The following CAND2 variants were observed in gnomAD, a reference collection of about 807,000 sequenced individuals.
CAND2 encodes cullin associated and neddylation dissociated 2 (putative).
A neutral mutation model predicts 98.9 loss-of-function variants in CAND2; 62 were observed. The ratio of observed to expected loss-of-function variants is 0.63; its 90% CI spans 0.51 to 0.77. The LOEUF is 0.77. Among genes scored for constraint, CAND2 ranks in the 30% least tolerant of loss-of-function variants. The probability of loss-of-function intolerance (pLI) is 0.00; values close to 1 mark genes in which losing one functional copy is unlikely to be tolerated. For missense variants in CAND2, 1,501 were observed against 1,655.2 expected (o/e 0.91, Z 1.62); for synonymous variants, 770 against 731.9 (o/e 1.05, Z -0.84).
In CAND2 at chr3:12,815,593, G is replaced by T. The variant is rs2061892263; in HGVS notation, c.1299+160G>T. Among the ~76,000 whole-genome samples the T allele has an allele frequency of 6.6e-6, 1 of 152,220 alleles. No homozygotes were observed. Among genetic ancestry groups the T allele is most frequent in the Non-Finnish European group, 1.5e-5 (1 of 68,038 alleles). On this transcript the variant is annotated intron_variant, in intron 8 of 14. Transcript: ENST00000456430. This position sits in a 1 kb window ranked among gnomAD's most constrained non-coding sequence, Gnocchi z 5.7. The stretch of plus-strand genomic sequence containing the variant: ...GGGGCGGGAGCCAGCCAGGCTTCTG[G>T]AGTGTAGTAGTGACAGCCAGCCTGC...
chr3:12,830,127 T>G (rs577836908), intron 13 of CAND2, among the ~76,000 whole-genome samples: 1 of 152,172 alleles, frequency 6.6e-6, no homozygotes, highest in African/African-American at 2.4e-5. Context: ...CGCTCCTTCC[T>G]GCACTTCCTG....
Position 12,815,362 on chromosome 3 carries a change from C to T in CAND2, c.1228C>T (p.Pro410Ser). Reference protein sequence around the residue: ...YIVLLRQTQPPKGWLEAMEEP... With the variant: ...YIVLLRQTQPSKGWLEAMEEP... ...CGTGCTGCTGCGGCAAACACAGCCCCCGAAGGGATGGCTGGAGGCCATGGA... is the reference window on the plus strand; with the variant it reads ...CGTGCTGCTGCGGCAAACACAGCCCTCGAAGGGATGGCTGGAGGCCATGGA... Residue 410 changes from proline (P) to serine (S), a missense_variant, in exon 8 of 15, where the codon CCG becomes TCG. Physicochemically the swap from Pro to Ser is moderately conservative, Grantham distance 74. Coordinates refer to ENST00000456430, the MANE Select transcript of CAND2 (RefSeq NM_001162499.2). The surrounding 1 kb of genome is among the most constrained non-coding windows in gnomAD (Gnocchi z 5.7). 1.9e-6 allele frequency: 3 copies of T among 1,613,984 alleles called. No homozygotes were observed. The highest frequency in any genetic ancestry group is 2.5e-6 in the Non-Finnish European group (3 of 1,180,040).
intron 12 of CAND2, among the ~76,000 whole-genome samples, chr3:12,827,052 C>T (rs1575781513): frequency 6.6e-6 from 1 of 151,994 alleles, no homozygotes; most frequent in Non-Finnish European, 1.5e-5. Flanking sequence ...AGGATGGCCT[C>T]AATCTCCTGA....
rs1249805909 is a variant in CAND2 at position 12,815,209 on chromosome 3, A to G, written c.1075A>G (p.Ile359Val). The G allele has an allele frequency of 1.2e-6, 2 of 1,613,694 alleles. No individual in the cohort carries two copies. The highest frequency in any genetic ancestry group is 1.7e-6 in the Non-Finnish European group (2 of 1,179,966). The change falls in exon 8 of 15, where the codon ATC (isoleucine) becomes GTC (valine). Residue 359 changes from isoleucine to valine, a missense_variant. Ile to Val is a conservative substitution (Grantham distance 29). Around this residue, in one of 3 missense-constraint regions of CAND2, gnomAD observed 1,427 missense variants for 1,545.3 expected, o/e 0.92. Coordinates refer to ENST00000456430, the MANE Select transcript of CAND2 (RefSeq NM_001162499.2). The surrounding 1 kb of genome is among the most constrained non-coding windows in gnomAD (Gnocchi z 5.7). The stretch of plus-strand genomic sequence containing the variant: ...GGTGCGCCGGGCAGCTGCCAAGTGC[A>G]TCGCAGCCTTGATCAGCTCGCGGCC... ...WKVRRAAAKC[I>V]AALISSRPDL...
At chr3:12,828,338 T>TG (rs962369236) in intron 13 of CAND2, among the ~76,000 whole-genome samples, 3 of 145,804 alleles carry the variant, frequency 2.1e-5, no homozygotes, top group African/African-American at 5.0e-5. Flanking sequence ...GGTGAAGTGT[T>TG]TTTTTTTTTT....
At chr3:12,832,951 A>T (rs1362012352) in intron 14 of CAND2, among the ~76,000 whole-genome samples, 1 of 152,168 alleles carries the variant, frequency 6.6e-6, no homozygotes, top group Non-Finnish European at 1.5e-5. Flanking sequence ...CAGAGAAGGG[A>T]GTGTGGACTT....
chr3:12,810,390 C>T (rs2061842739), intron 5 of CAND2, 66 bp downstream of exon 5: 12 of 1,228,544 alleles, frequency 9.8e-6, no homozygotes, highest in Non-Finnish European at 1.1e-5. Flanking sequence ...GCCAATGACT[C>T]GGTAAAGGGG....
chr3:12,815,307 C>T lies in CAND2; in HGVS notation c.1173C>T (p.Asn391=), dbSNP rs374837362. 70 of 1,613,862 alleles carry T rather than the reference C, an allele frequency of 4.3e-5. No homozygotes were observed. The highest frequency in any genetic ancestry group is 2.7e-4 in the East Asian group (12 of 44,902). The change falls in exon 8 of 15, where the codon AAC becomes AAT. Residue 391 remains asparagine, a synonymous_variant. Coordinates refer to ENST00000456430, the MANE Select transcript of CAND2 (RefSeq NM_001162499.2). The surrounding 1 kb of genome is among the most constrained non-coding windows in gnomAD (Gnocchi z 5.7). The stretch of plus-strand genomic sequence containing the variant: ...GCCGCTTCAAAGAACGCGAGGAGAA[C>T]GTCAAGGCTGACGTCTTCACTGCTT... ...LIRRFKEREE[N]VKADVFTAYI...
Position 12,817,614 on chromosome 3 carries a change from C to G in CAND2, c.2682C>G (p.Pro894=). 5.6e-6 allele frequency: 9 copies of G among 1,613,714 alleles called. No homozygotes were observed. The highest frequency in any genetic ancestry group is 7.6e-6 in the Non-Finnish European group (9 of 1,180,000). Residue 894 remains proline (P), a synonymous_variant, in exon 10 of 15, where the codon CCC becomes CCG. Transcript: ENST00000456430. Reference sequence around the variant, plus strand: ...GCCGTGTGGGTGCTGGCAGCCTGCCCGACTTCCTGCCCTTCCTGCTGGAGC... The same window carrying G: ...GCCGTGTGGGTGCTGGCAGCCTGCCGGACTTCCTGCCCTTCCTGCTGGAGC... The part of the protein sequence containing the change: ...ALGRVGAGSL[P]DFLPFLLEQI...
chr3:12,817,928 C>A, intron 10 of CAND2, 52 bp downstream of exon 10: 3 of 1,448,128 alleles, frequency 2.1e-6, no homozygotes, highest in Non-Finnish European at 2.7e-6. Context: ...GGGCAGTTTG[C>A]CACTGAGCAT....
chr3:12,801,353 G>T (rs777867456), intron 1 of CAND2, among the ~76,000 whole-genome samples: 9 of 152,218 alleles, frequency 5.9e-5, no homozygotes, highest in Non-Finnish European at 1.3e-4. Context: ...CAGTATTTTT[G>T]TGTCAACTTT....
intron 3 of CAND2, among the ~76,000 whole-genome samples, 187 bp from the exon 4 acceptor site, chr3:12,808,023 T>C (rs544375696): frequency 6.6e-6 from 1 of 152,230 alleles, no homozygotes; most frequent in East Asian, 1.9e-4. Flanking sequence ...CCATCAGCTC[T>C]GCAGCTCCCC....
chr3:12,812,944 C>T (rs752462501), intron 5 of CAND2, 46 bp from the exon 6 acceptor site: 18 of 1,261,274 alleles, frequency 1.4e-5, no homozygotes, highest in African/African-American at 3.0e-5. Context: ...GGGGGAACTC[C>T]GGGAGAGTGT....
At chr3:12,813,603 A>G (rs367861575) in intron 7 of CAND2, among the ~76,000 whole-genome samples, 14 of 152,334 alleles carry the variant, frequency 9.2e-5, no homozygotes, top group Admixed American at 2.6e-4. Context: ...TGTTCCTCAC[A>G]ATAACCCTAA....
Position 12,816,091 on chromosome 3 carries a change from C to T in CAND2, c.1441+83C>T. On this transcript the variant is annotated intron_variant, in intron 9 of 14. Transcript: ENST00000456430. ...CCACCCCTGAGTTGAGCCCCCAGTTCCTGAGACAGTCTGAGACCCAATCCC... is the reference window on the plus strand; with the variant it reads ...CCACCCCTGAGTTGAGCCCCCAGTTTCTGAGACAGTCTGAGACCCAATCCC... 2.1e-6 allele frequency: 3 copies of T among 1,406,010 alleles called. No individual in the cohort carries two copies. The South Asian group carries it at 3.8e-5, about 18-fold the overall frequency. The allele number at this position is 1,406,010 out of a possible 1,614,324, so 87.1% of individuals were successfully genotyped here.
At chr3:12,810,930 G>A (rs1289361359) in intron 5 of CAND2, among the ~76,000 whole-genome samples, 1 of 152,228 alleles carries the variant, frequency 6.6e-6, no homozygotes, top group African/African-American at 2.4e-5. Flanking sequence ...TGTCCAGGAA[G>A]CCACTGATCT....
chr3:12,816,682 G>T lies in CAND2; in HGVS notation c.1750G>T (p.Asp584Tyr). The T allele has an allele frequency of 1.9e-6, 3 of 1,613,768 alleles. No homozygotes were observed. The highest frequency in any genetic ancestry group is 1.6e-4 in the Middle Eastern group (1 of 6,062). ...GGCGCGACTTCGTGCCACTGACCTG[G>T]ACCAGGAGGTGAAGGAGCGGGCCAT... ...TLARLRATDLDQEVKERAISC... is the reference protein window; with the variant it reads ...TLARLRATDLYQEVKERAISC... Residue 584 changes from aspartate to tyrosine, a missense_variant, in exon 10 of 15, where the codon GAC becomes TAC. Physicochemically the swap from Asp to Tyr is radical, Grantham distance 160 (BLOSUM62 -3). Around this residue, in one of 3 missense-constraint regions of CAND2, gnomAD observed 1,427 missense variants for 1,545.3 expected, o/e 0.92. Transcript: ENST00000456430.
chr3:12,811,721 G>A (rs1193055241), intron 5 of CAND2, among the ~76,000 whole-genome samples: 3 of 151,980 alleles, frequency 2.0e-5, no homozygotes, highest in African/African-American at 7.3e-5. Context: ...ACAGGCGCAC[G>A]CTACCATACC....
intron 1 of CAND2, among the ~76,000 whole-genome samples, chr3:12,798,272 T>C (rs2061741475): frequency 6.6e-6 from 1 of 151,874 alleles, no homozygotes; most frequent in African/African-American, 2.4e-5. Context: ...TGCTCTCCCT[T>C]GACCTCCTCC....
Sources: allele counts gnomAD v4.1 joint callset (sites outside exome capture counted in the v4.1 genomes callset), GRCh38; gene constraint gnomAD v4.1.1; regional missense constraint gnomAD v4.1.1; non-coding constraint Gnocchi (gnomAD v3.1); transcripts MANE v1.5; gene names NCBI Gene and HGNC (gene_info 2026-07-23, HGNC 2026-07-21).